The following SYNPO2 variants were observed in gnomAD, a reference collection of about 807,000 sequenced individuals.
SYNPO2 encodes synaptopodin-2.
Under a neutral mutation model 85.0 loss-of-function variants are expected in SYNPO2, and 56 were observed. The ratio of observed to expected loss-of-function variants is 0.66; its 90% CI spans 0.53 to 0.82. The LOEUF is 0.82. Ranked by LOEUF, SYNPO2 falls within the 40% of genes least tolerant of loss-of-function variation. The pLI is 0.00. For missense variants in SYNPO2, 1,575 were observed against 1,534.2 expected (o/e 1.03, Z -0.44); for synonymous variants, 602 against 591.1 (o/e 1.02, Z -0.27).
chr4:118,947,638 C>T (rs941923213), intron 1 of SYNPO2, among the ~76,000 whole-genome samples: 4 of 152,196 alleles, frequency 2.6e-5, no homozygotes, highest in Admixed American at 2.0e-4. Flanking sequence ...GAGAAGTAAT[C>T]ATCACACTTC....
At chr4:119,007,237 T>TATGTATATACATATATATATGTATATAC (rs1737080206) in intron 1 of SYNPO2, among the ~76,000 whole-genome samples, 6 of 52,704 alleles carry the variant, frequency 1.1e-4, no homozygotes, top group African/African-American at 5.3e-4. Flanking sequence ...TATATATATA[T>TATGTATATACATATATATATGTATATAC]ATATATATGT....
At chr4:119,033,199 G>A in intron 4 of SYNPO2, 1 of 985,426 alleles carries the variant, frequency 1.0e-6, no homozygotes, top group Non-Finnish European at 1.2e-6. Context: ...ACTGTAGGGT[G>A]AGAGCACACA....
At chr4:118,910,746 A>G (rs897938635) in intron 1 of SYNPO2, among the ~76,000 whole-genome samples, 5 of 152,092 alleles carry the variant, frequency 3.3e-5, no homozygotes, top group Admixed American at 1.3e-4. Flanking sequence ...GTCTAATCCA[A>G]TAGTTCATTC....
At chr4:119,002,212 C>T (rs919369600) in intron 1 of SYNPO2, among the ~76,000 whole-genome samples, 1 of 152,106 alleles carries the variant, frequency 6.6e-6, no homozygotes, top group Non-Finnish European at 1.5e-5. Context: ...AAACTCACTC[C>T]ATCTAACTGT....
chr4:119,035,435 G>GT, intron 4 of SYNPO2: 6 of 985,330 alleles, frequency 6.1e-6, no homozygotes, highest in Non-Finnish European at 7.2e-6. Flanking sequence ...GACACATCCT[G>GT]TTTTTTAGAG....
intron 1 of SYNPO2, among the ~76,000 whole-genome samples, chr4:119,015,190 A>G (rs1470315463): frequency 6.6e-6 from 1 of 152,224 alleles, no homozygotes; most frequent in Admixed American, 6.5e-5. Flanking sequence ...TGATTCCCTA[A>G]TAGCTTAAAT....
intron 1 of SYNPO2, among the ~76,000 whole-genome samples, chr4:119,003,215 A>G (rs1736888294): frequency 6.6e-6 from 1 of 152,180 alleles, no homozygotes; most frequent in Admixed American, 6.5e-5. Context: ...TACAATCATG[A>G]TGGAAGGCAA....
intron 1 of SYNPO2, among the ~76,000 whole-genome samples, chr4:118,922,681 C>CTTT (rs145113080): frequency 7.0e-5 from 10 of 142,652 alleles, no homozygotes; most frequent in Non-Finnish European, 9.2e-5. Flanking sequence ...AGGTAACAGC[C>CTTT]TTTTTTTTTT....
At chr4:118,935,565 T>G (rs540136609) in intron 1 of SYNPO2, among the ~76,000 whole-genome samples, 34 of 152,364 alleles carry the variant, frequency 2.2e-4, no homozygotes, top group African/African-American at 7.9e-4. Context: ...TCACTGTACT[T>G]TTCTATGTTT....
At chr4:119,025,205 C>T (rs1737888016) in intron 2 of SYNPO2, among the ~76,000 whole-genome samples, 1 of 152,204 alleles carries the variant, frequency 6.6e-6, no homozygotes, top group Non-Finnish European at 1.5e-5. Context: ...ATTCTCTTCT[C>T]AGCTTCACAA....
chr4:118,996,856 C>CAA (rs34947994), intron 1 of SYNPO2, among the ~76,000 whole-genome samples: 4 of 71,870 alleles, frequency 5.6e-5, no homozygotes, highest in South Asian at 4.9e-4. Flanking sequence ...GACTCTGTCT[C>CAA]AAAAAAAAAA....
chr4:118,947,254 C>T (rs1289223073), intron 1 of SYNPO2, among the ~76,000 whole-genome samples: 1 of 152,148 alleles, frequency 6.6e-6, no homozygotes, highest in East Asian at 1.9e-4. Context: ...AGGCACAATG[C>T]ATATTCGAAC....
At chr4:118,988,459 A>C (rs975947234) in intron 1 of SYNPO2, among the ~76,000 whole-genome samples, 4 of 152,062 alleles carry the variant, frequency 2.6e-5, no homozygotes, top group Non-Finnish European at 4.4e-5. Context: ...GTTGAGCAAA[A>C]CCTAACTCTA....
intron 1 of SYNPO2, among the ~76,000 whole-genome samples, chr4:119,020,155 AT>A (rs1397010356): frequency 1.1e-4 from 16 of 151,234 alleles, no homozygotes; most frequent in Middle Eastern, 3.4e-3. Flanking sequence ...GAAGAGTTCT[AT>A]AAAAAATGGA....
chr4:118,861,195 C>T (rs974308799), intron 1 of SYNPO2, among the ~76,000 whole-genome samples: 1 of 152,126 alleles, frequency 6.6e-6, no homozygotes, highest in Non-Finnish European at 1.5e-5. Context: ...GAGTCTCACT[C>T]TGTCACCCAG....
intron 1 of SYNPO2, among the ~76,000 whole-genome samples, chr4:118,881,920 A>T (rs1193121953): frequency 6.6e-6 from 1 of 152,230 alleles, no homozygotes; most frequent in Non-Finnish European, 1.5e-5. Context: ...CACATGATAA[A>T]TGCGTGATTC....
intron 1 of SYNPO2, among the ~76,000 whole-genome samples, chr4:118,926,583 G>A (rs1733718223): frequency 6.6e-6 from 1 of 152,104 alleles, no homozygotes; most frequent in African/African-American, 2.4e-5. Context: ...GCACTTCCTG[G>A]AGTTGTATGG....
chr4:118,978,586 G>C (rs1271916123), intron 1 of SYNPO2, among the ~76,000 whole-genome samples: 1 of 151,982 alleles, frequency 6.6e-6, no homozygotes, highest in Non-Finnish European at 1.5e-5. Flanking sequence ...GTATTCCAAT[G>C]GATTTTCCAC....
intron 1 of SYNPO2, among the ~76,000 whole-genome samples, chr4:119,004,590 G>T (rs181547117): frequency 0.085 from 11,583 of 135,950 alleles, 649 homozygotes; most frequent in South Asian, 0.2. Context: ...TATTCCATGG[G>T]GTATATGTGC....
Sources: gnomAD v4.1 joint callset for allele counts (sites outside exome capture counted in the v4.1 genomes callset) on GRCh38, gnomAD v4.1.1 for gene constraint, MANE v1.5 for transcripts, NCBI Gene and HGNC (gene_info 2026-07-23, HGNC 2026-07-21) for gene names.